Variants in SRCIN1 observed in about 807,000 individuals in gnomAD.
The protein encoded by SRCIN1 is SRC kinase signaling inhibitor 1.
In SRCIN1, 50 loss-of-function variants were observed where a neutral mutation model predicts 116.2. That is an observed-to-expected ratio of 0.43 (90% CI 0.34 to 0.54). The LOEUF (loss-of-function observed/expected upper bound fraction) is 0.54. Ranked by LOEUF, SRCIN1 falls within the 20% of genes least tolerant of loss-of-function variation. The pLI is 0.02. For synonymous variants in SRCIN1, 736 were observed against 750.0 expected, an observed-to-expected ratio of 0.98 and a Z score of 0.30; for missense variants, 1,446 against 1,672.0, an observed-to-expected ratio of 0.86 and a Z score of 2.36.
chr17:38,589,580 GCTTA>G (rs1908331647), intron 1 of SRCIN1, among the ~76,000 whole-genome samples: 2 of 152,198 alleles, frequency 1.3e-5, no homozygotes, highest in Non-Finnish European at 2.9e-5. Flanking sequence ...TCTGACCAAT[GCTTA>G]GCCAATGGGG....
At chr17:38,575,544 C>T (rs1321589363) in intron 2 of SRCIN1, among the ~76,000 whole-genome samples, 3 of 152,188 alleles carry the variant, frequency 2.0e-5, no homozygotes, top group African/African-American at 4.8e-5. Flanking sequence ...CCACTGCGCC[C>T]GGCCTCATAT....
chr17:38,564,661 G>A (rs1163918347), intron 3 of SRCIN1, among the ~76,000 whole-genome samples: 3 of 150,274 alleles, frequency 2.0e-5, no homozygotes, highest in East Asian at 2.0e-4. Flanking sequence ...CAGCAGAATC[G>A]TTGAGCAAAT....
In SRCIN1 at chr17:38,552,002, G is replaced by C; in HGVS notation, c.2611C>G (p.Leu871Val). The C allele has an allele frequency of 3.1e-6, 5 of 1,614,016 alleles. No individual in the cohort carries two copies. The Middle Eastern group carries it at 4.9e-4, about 160-fold the overall frequency. The change falls in exon 14 of 19, where the codon CTG becomes GTG. Residue 871 changes from leucine (L) to valine (V), a missense_variant. This residue lies in a region of SRCIN1 where 531 missense variants were observed against 633.9 expected (regional missense o/e 0.84). Coordinates refer to ENST00000617146, the MANE Select transcript of SRCIN1 (RefSeq NM_025248.3). The surrounding 1 kb of genome is among the most constrained non-coding windows in gnomAD (Gnocchi z 5.3). ...EMPPPSPPLN[L>V]HELSGPAEGA... ...TCAGCTGGCCCGCTCAGCTCATGCA[G>C]GTTCAGCGGGGGGCTGGGGGGTGGC... is the stretch of plus-strand genomic sequence containing the variant.
rs1801028173 is a variant in SRCIN1 at position 38,538,486 on chromosome 17, A to G, written c.3418-5055T>C. ...AATGACAGCGGGACCAAATGCAAAG[A>G]AACTTGGGTCCTGATATCCTCAAGC... On this transcript the variant is annotated intron_variant, in intron 18 of 18. Transcript: ENST00000617146. Among the ~76,000 whole-genome samples the G allele has an allele frequency of 3.3e-5, 5 of 151,986 alleles. No individual in the cohort carries two copies. The South Asian group carries it at 1.0e-3, about 32-fold the overall frequency.
chr17:38,586,654 G>A (rs1050542996), intron 1 of SRCIN1, among the ~76,000 whole-genome samples: 1 of 152,194 alleles, frequency 6.6e-6, no homozygotes, highest in South Asian at 2.1e-4. Context: ...ACAGAAGCTG[G>A]GCATCCAATG....
chr17:38,560,185 A>G (rs1906139760), intron 8 of SRCIN1, 88 bp from the exon 9 acceptor site: 2 of 1,412,006 alleles, frequency 1.4e-6, no homozygotes, highest in Non-Finnish European at 1.9e-6. Flanking sequence ...CATCTCCTCC[A>G]GCTCTCCGAT....
intron 1 of SRCIN1, among the ~76,000 whole-genome samples, chr17:38,600,358 G>A (rs1908953960): frequency 6.6e-6 from 1 of 152,240 alleles, no homozygotes; most frequent in African/African-American, 2.4e-5. Flanking sequence ...GCTGTTGGAG[G>A]TACGGGCAGG....
At chr17:38,605,649 G>A (rs77890542) in intron 1 of SRCIN1, 35 bp downstream of exon 1, 2 of 1,395,252 alleles carry the variant, frequency 1.4e-6, no homozygotes, top group Non-Finnish European at 1.9e-6. Context: ...CTTAAGCATG[G>A]AGGCACATTA....
In SRCIN1 at chr17:38,558,451, G is replaced by A. The variant is rs1329386854; in HGVS notation, c.2026-49C>T. 2.0e-6 allele frequency: 3 copies of A among 1,537,484 alleles called. No individual in the cohort carries two copies. The African/African-American group carries it at 4.1e-5, about 21-fold the overall frequency. On this transcript the variant is annotated intron_variant, in intron 10 of 18. Coordinates refer to ENST00000617146, the MANE Select transcript of SRCIN1 (RefSeq NM_025248.3). This position sits in a 1 kb window ranked among gnomAD's most constrained non-coding sequence, Gnocchi z 4.6. ...ACCCGGGTGGGGGGAGCGGAGCCGC[G>A]AGGCAGGGGAAGGGCCGGGAGAAGG...
rs1907584951 is a variant in SRCIN1, at chr17:38,578,631, C to G, written c.183G>C (p.Ala61=). 1.2e-6 allele frequency: 2 copies of G among 1,604,304 alleles called. No individual in the cohort carries two copies. The highest frequency in any genetic ancestry group is 1.3e-5 in the African/African-American group (1 of 74,900). ...HTSERRHTVI[A]AQSLEALSGL... ...CGCTGAGCGCCTCCAGACTCTGGGCCGCGATCACCGTGTGCCGCCGCTCGG... is the reference window on the plus strand; with the variant it reads ...CGCTGAGCGCCTCCAGACTCTGGGCGGCGATCACCGTGTGCCGCCGCTCGG... Residue 61 remains alanine, a synonymous_variant, in exon 2 of 19, where the codon GCG becomes GCC. Transcript: ENST00000617146.
chr17:38,561,814 G>C lies in SRCIN1; in HGVS notation c.1349C>G (p.Ser450Cys). ...GCCGCCGCCCGCCGCCTTGTACAGG[G>C]AGTCCTCCAGATCGGACTGCAGCGC... The part of the protein sequence containing the change: ...AAALQSDLED[S>C]LYKAAGGGGP... The change falls in exon 7 of 19, where the codon TCC (serine) becomes TGC (cysteine). Residue 450 changes from serine to cysteine, a missense_variant. Physicochemically the swap from Ser to Cys is moderately radical, Grantham distance 112. This residue lies in a region of SRCIN1 where 398 missense variants were observed against 385.6 expected (regional missense o/e 1.03). Coordinates refer to ENST00000617146, the MANE Select transcript of SRCIN1 (RefSeq NM_025248.3). The C allele has an allele frequency of 4.0e-6, 6 of 1,487,868 alleles. No homozygotes were observed. Among genetic ancestry groups the C allele is most frequent in the Non-Finnish European group, 5.3e-6 (6 of 1,127,058 alleles). The allele number at this position is 1,487,868 out of a possible 1,614,324, so 92.2% of individuals were successfully genotyped here.
chr17:38,606,519 T>A (rs982495046), upstream of SRCIN1, among the ~76,000 whole-genome samples: 1 of 151,996 alleles, frequency 6.6e-6, no homozygotes, highest in Non-Finnish European at 1.5e-5. This position sits in a 1 kb window ranked among gnomAD's most constrained non-coding sequence, Gnocchi z 5.2. Flanking sequence ...CGGCGCCCCC[T>A]GCTGGGCCGC....
intron 8 of SRCIN1, 105 bp downstream of exon 8, chr17:38,560,228 T>C: frequency 7.2e-7 from 1 of 1,389,336 alleles, no homozygotes; most frequent in Non-Finnish European, 9.8e-7. Context: ...GGGAAGGGAT[T>C]CACCCAGGGT....
At chr17:38,597,431 TTCAG>T (rs1334052473) in intron 1 of SRCIN1, among the ~76,000 whole-genome samples, 1 of 152,224 alleles carries the variant, frequency 6.6e-6, no homozygotes. Context: ...CATTCAATCA[TTCAG>T]TCAGACAGAG....
intron 4 of SRCIN1, 22 bp downstream of exon 4, chr17:38,564,096 G>A (rs1185448713): frequency 1.3e-6 from 2 of 1,584,072 alleles, no homozygotes; most frequent in Non-Finnish European, 1.7e-6. Context: ...TGGGGAGGGA[G>A]GGTGGACTGG....
At chr17:38,566,592 T>C (rs1313489361) in intron 3 of SRCIN1, among the ~76,000 whole-genome samples, 1 of 152,106 alleles carries the variant, frequency 6.6e-6, no homozygotes, top group African/African-American at 2.4e-5. Context: ...TTCCCAGAGG[T>C]TGTCCATAGA....
intron 10 of SRCIN1, 123 bp downstream of exon 10, chr17:38,559,462 A>C: frequency 9.8e-7 from 1 of 1,019,138 alleles, no homozygotes; most frequent in Non-Finnish European, 1.4e-6. Flanking sequence ...TGAGCGGCGA[A>C]GGACTCGGGC....
At chr17:38,578,018 C>T (rs1453590497) in intron 2 of SRCIN1, among the ~76,000 whole-genome samples, 1 of 152,140 alleles carries the variant, frequency 6.6e-6, no homozygotes, top group African/African-American at 2.4e-5. Flanking sequence ...ACTGGGGACA[C>T]ATCGGACCCA....
chr17:38,595,062 G>A (rs978855097), intron 1 of SRCIN1, among the ~76,000 whole-genome samples: 8 of 152,160 alleles, frequency 5.3e-5, no homozygotes, highest in Non-Finnish European at 4.4e-5. Flanking sequence ...CAGATAGACA[G>A]AGGACAGGCC....
Sources: allele counts gnomAD v4.1 joint callset (sites outside exome capture counted in the v4.1 genomes callset), GRCh38; gene constraint gnomAD v4.1.1; regional missense constraint gnomAD v4.1.1; non-coding constraint Gnocchi (gnomAD v3.1); transcripts MANE v1.5; gene names NCBI Gene and HGNC (gene_info 2026-07-23, HGNC 2026-07-21).